IL1RAPL2: variants seen among roughly 807,000 people sequenced by gnomAD.
IL1RAPL2 encodes X-linked interleukin-1 receptor accessory protein-like 2.
A neutral mutation model predicts 44.1 loss-of-function variants in IL1RAPL2; 3 were observed. The ratio of observed to expected loss-of-function variants is 0.07; its 90% CI spans 0.03 to 0.18. The LOEUF (loss-of-function observed/expected upper bound fraction) is 0.18, where lower values mean the gene tolerates loss of function less well. Ranked by LOEUF, IL1RAPL2 falls within the 10% of genes least tolerant of loss-of-function variation. IL1RAPL2 has a pLI of 1.00. For missense variants in IL1RAPL2, 391 were observed against 496.4 expected, an observed-to-expected ratio of 0.79 and a Z score of 2.02; for synonymous variants, 181 against 178.8, an observed-to-expected ratio of 1.01 and a Z score of -0.10.
At chrX:105,565,544 G>A (rs1016947582) in intron 6 of IL1RAPL2, among the ~76,000 whole-genome samples, 5 of 111,966 alleles carry the variant, frequency 4.5e-5, no homozygotes, top group Non-Finnish European at 9.4e-5. Context: ...CAGAGCCACT[G>A]TCTTCTAGGA....
At chrX:104,620,366 G>A (rs978404881) in intron 1 of IL1RAPL2, among the ~76,000 whole-genome samples, 1 of 108,853 alleles carries the variant, frequency 9.2e-6, no homozygotes, top group Admixed American at 9.9e-5. Context: ...GTGGCTGGGC[G>A]TGGTGGCTCA....
At chrX:105,190,394 T>TG (rs1352757901) in intron 2 of IL1RAPL2, among the ~76,000 whole-genome samples, 2 of 112,492 alleles carry the variant, frequency 1.8e-5, no homozygotes, top group African/African-American at 3.2e-5. Context: ...AAAGCTTATG[T>TG]GGGGAAAACA....
intron 6 of IL1RAPL2, among the ~76,000 whole-genome samples, chrX:105,485,524 C>T (rs911856899): frequency 2.7e-5 from 3 of 111,000 alleles, no homozygotes; most frequent in Non-Finnish European, 3.8e-5. Context: ...TGTAGTCACC[C>T]TGTTGTGCTA....
chrX:104,608,969 T>C (rs1268214690), intron 1 of IL1RAPL2, among the ~76,000 whole-genome samples: 2 of 111,973 alleles, frequency 1.8e-5, no homozygotes, highest in Non-Finnish European at 3.8e-5. Context: ...CAATTTGGCA[T>C]GTTTTTGCAG....
intron 1 of IL1RAPL2, among the ~76,000 whole-genome samples, chrX:104,638,278 C>A (rs1296600327): frequency 9.1e-6 from 1 of 110,476 alleles, no homozygotes; most frequent in African/African-American, 3.3e-5. Context: ...CAGCTAGTGG[C>A]TTATTAATTT....
intron 1 of IL1RAPL2, among the ~76,000 whole-genome samples, chrX:104,606,313 C>A (rs922741774): frequency 1.8e-5 from 2 of 111,722 alleles, no homozygotes; most frequent in Non-Finnish European, 3.8e-5. Context: ...ATCAGTGGAA[C>A]ATATCACAAA....
At chrX:104,668,932 G>T (rs1930539648) in intron 2 of IL1RAPL2, among the ~76,000 whole-genome samples, 1 of 110,997 alleles carries the variant, frequency 9.0e-6, no homozygotes, top group Non-Finnish European at 1.9e-5. Flanking sequence ...TTCTGCTTAG[G>T]TTCTCACCAA....
At chrX:104,618,009 TTTC>T (rs1929312308) in intron 1 of IL1RAPL2, among the ~76,000 whole-genome samples, 2 of 111,844 alleles carry the variant, frequency 1.8e-5, no homozygotes, top group South Asian at 7.5e-4. Context: ...GCAGGTAGGA[TTTC>T]TTCTTATTTT....
chrX:105,460,197 G>T (rs758891854), intron 5 of IL1RAPL2, among the ~76,000 whole-genome samples: 7 of 110,898 alleles, frequency 6.3e-5, no homozygotes, highest in African/African-American at 2.3e-4. Flanking sequence ...TCTTTACAAG[G>T]CTCTCCATGT....
rs4826926 is a variant in IL1RAPL2, at chrX:105,551,847, T to A, written c.772+67460T>A. On this transcript the variant is annotated intron_variant, in intron 6 of 10. Coordinates refer to ENST00000372582, the MANE Select transcript of IL1RAPL2 (RefSeq NM_017416.2). Reference sequence around the variant, plus strand: ...GATGCCAGGAGCGGTGGCTCACGCCTGTAATCCCAGCACTTTGGGAGGCCG... The same window carrying A: ...GATGCCAGGAGCGGTGGCTCACGCCAGTAATCCCAGCACTTTGGGAGGCCG... Among the ~76,000 whole-genome samples the A allele has an allele frequency of 3.6e-5, 4 of 110,625 alleles. No individual in the cohort carries two copies. The Admixed American group carries it at 3.8e-4, about 11-fold the overall frequency.
intron 6 of IL1RAPL2, among the ~76,000 whole-genome samples, chrX:105,521,102 T>C (rs1202587366): frequency 2.4e-5 from 2 of 81,718 alleles, no homozygotes; most frequent in South Asian, 6.9e-4. Flanking sequence ...GCCCGGCTAA[T>C]TTTTTTTTTT....
intron 3 of IL1RAPL2, among the ~76,000 whole-genome samples, chrX:105,202,642 C>T (rs2033727404): frequency 8.9e-6 from 1 of 111,998 alleles, no homozygotes. Context: ...TCATTGATCT[C>T]ACATGTTTTC....
chrX:104,853,003 C>T (rs1922268376), intron 2 of IL1RAPL2, among the ~76,000 whole-genome samples: 1 of 111,648 alleles, frequency 9.0e-6, no homozygotes, highest in Non-Finnish European at 1.9e-5. Flanking sequence ...CTGCTACAAC[C>T]AACTTACTTG....
chrX:105,716,732 A>G (rs1489460276), intron 6 of IL1RAPL2, among the ~76,000 whole-genome samples: 1 of 112,187 alleles, frequency 8.9e-6, no homozygotes, highest in Non-Finnish European at 1.9e-5. Context: ...AAATCAGAAT[A>G]AACAAATTTC....
chrX:105,033,405 T>C (rs1161081846), intron 2 of IL1RAPL2, among the ~76,000 whole-genome samples: 1 of 111,613 alleles, frequency 9.0e-6, no homozygotes, highest in Admixed American at 9.6e-5. Context: ...AGGAGCTCTT[T>C]TAGGGCAGGC....
rs183990424 is a variant in IL1RAPL2, at chrX:104,641,903, G to T, written c.-19-16992G>T. On this transcript the variant is annotated intron_variant, in intron 1 of 10. Coordinates refer to ENST00000372582, the MANE Select transcript of IL1RAPL2 (RefSeq NM_017416.2). Reference sequence around the variant, plus strand: ...CTATGCTTGAAAATGATGCCTTTTTGTAGCTGCTTAGGTCTCAGAAATGGT... The same window carrying T: ...CTATGCTTGAAAATGATGCCTTTTTTTAGCTGCTTAGGTCTCAGAAATGGT... 9.4e-4 allele frequency among the ~76,000 whole-genome samples: 105 copies of T among 111,364 alleles called. No homozygotes were observed. In the East Asian group the frequency reaches 0.011, roughly 12 times the overall value.
intron 2 of IL1RAPL2, among the ~76,000 whole-genome samples, chrX:104,978,747 T>A (rs984713728): frequency 8.9e-6 from 1 of 112,160 alleles, no homozygotes; most frequent in Non-Finnish European, 1.9e-5. Context: ...ACAGATTTCA[T>A]GCATAAAAGC....
intron 2 of IL1RAPL2, among the ~76,000 whole-genome samples, chrX:104,972,557 GGGGAT>G (rs1378591161): frequency 9.0e-6 from 1 of 111,685 alleles, no homozygotes; most frequent in African/African-American, 3.3e-5. Context: ...TCTCTATCTT[GGGGAT>G]GTTGATAAAT....
chrX:105,363,415 G>T (rs1602377804), intron 5 of IL1RAPL2, among the ~76,000 whole-genome samples: 1 of 102,791 alleles, frequency 9.7e-6, no homozygotes, highest in Admixed American at 1.1e-4. Context: ...AGGGAATGCA[G>T]ATATCGCTTT....
Sources: gnomAD v4.1 joint callset for allele counts (sites outside exome capture counted in the v4.1 genomes callset) on GRCh38, gnomAD v4.1.1 for gene constraint, MANE v1.5 for transcripts, NCBI Gene and HGNC (gene_info 2026-07-23, HGNC 2026-07-21) for gene names.